Variants in TBCD observed in about 807,000 individuals in gnomAD.
TBCD encodes the protein tubulin-specific chaperone D.
In TBCD, 105 loss-of-function variants were observed where a neutral mutation model predicts 169.3. The observed-to-expected ratio is 0.62, with a 90% CI of 0.53 to 0.73. The LOEUF is 0.73. TBCD is among the 30% of genes least tolerant of loss of function. TBCD has a pLI of 0.00. For missense variants in TBCD, 1,444 were observed against 1,600.1 expected (o/e 0.90, Z 1.66); for synonymous variants, 700 against 643.9 (o/e 1.09, Z -1.32).
chr17:82,850,167 C>G (rs796175223), intron 13 of TBCD, among the ~76,000 whole-genome samples: 7,315 of 17,980 alleles, frequency 0.41, 2,268 homozygotes, highest in Admixed American at 0.45. Context: ...GCTGTTGTTG[C>G]CTGTGCTGCT....
chr17:82,933,273 C>CTTTTTT lies in TBCD; in HGVS notation c.3191+552_3191+557dup, dbSNP rs10639851. Among the ~76,000 whole-genome samples the CTTTTTT allele has an allele frequency of 1.8e-3, 201 of 114,588 alleles. 6 individuals carry two copies. Among genetic ancestry groups the CTTTTTT allele is most frequent in the East Asian group, 3.5e-3 (13 of 3,756 alleles). 75.2% of individuals were successfully genotyped at this position (114,588 alleles called of 152,430 possible). On this transcript the variant is annotated intron_variant, in intron 34 of 38. Transcript: ENST00000355528. ...TTGAATTTCACCGTGTTGGGCCAGT[C>CTTTTTT]TTTTTTTTTTTTTTTTTTTGAGACA...
At chr17:82,779,161 G>A (rs867952485) in intron 6 of TBCD, among the ~76,000 whole-genome samples, 6 of 151,896 alleles carry the variant, frequency 4.0e-5, no homozygotes, top group Admixed American at 6.6e-5. Flanking sequence ...ACAGGAATGC[G>A]CCACCATGCC....
At chr17:82,907,950 T>A in intron 21 of TBCD, 129 bp downstream of exon 21, 2 of 944,980 alleles carry the variant, frequency 2.1e-6, no homozygotes, top group Non-Finnish European at 1.6e-6. Flanking sequence ...CTGGGCTCAG[T>A]GGGGGACCTG....
intron 3 of TBCD, 24 bp downstream of exon 3, chr17:82,764,086 A>G: frequency 4.5e-6 from 7 of 1,560,504 alleles, no homozygotes; most frequent in Non-Finnish European, 6.2e-6. Context: ...AGCACTTCAG[A>G]GTTGACAGAT....
At chr17:82,934,625 A>G (rs1313557665) in intron 34 of TBCD, among the ~76,000 whole-genome samples, 1 of 151,962 alleles carries the variant, frequency 6.6e-6, no homozygotes, top group African/African-American at 2.4e-5. Flanking sequence ...GGCATGTGCT[A>G]CCATGCCCAG....
chr17:82,907,621 A>G, intron 20 of TBCD, 140 bp from the exon 21 acceptor site: 1 of 862,256 alleles, frequency 1.2e-6, no homozygotes, highest in Non-Finnish European at 1.9e-6. Context: ...CTGAACAAGA[A>G]TGAGACCTTG....
Position 82,889,813 on chromosome 17 carries a change from T to G in TBCD, c.1563+116T>G. The G allele has an allele frequency of 8.1e-7, 1 of 1,229,466 alleles. No individual in the cohort carries two copies. The highest frequency in any genetic ancestry group is 1.2e-6 in the Non-Finnish European group (1 of 868,474). The allele number at this position is 1,229,466 out of a possible 1,614,324, so 76.2% of individuals were successfully genotyped here. A position where few individuals can be genotyped will look rare whatever the true frequency, so the allele number is the denominator to read the frequency against. ...CACTGTGAGATGTGGTGTGGCTACA[T>G]CAATGCCAGGGTCATGAGTTCACTA... On this transcript the variant is annotated intron_variant, in intron 16 of 38. Transcript: ENST00000355528. The surrounding 1 kb of genome is among the most constrained non-coding windows in gnomAD (Gnocchi z 5.3).
intron 23 of TBCD, chr17:82,918,312 C>T (rs1343425589): frequency 1.3e-5 from 2 of 152,226 alleles, no homozygotes; most frequent in Non-Finnish European, 2.9e-5. Flanking sequence ...GCATCCTTCC[C>T]ACAGAGACAG....
intron 13 of TBCD, among the ~76,000 whole-genome samples, chr17:82,818,170 G>A (rs765623930): frequency 9.9e-5 from 15 of 152,244 alleles, no homozygotes; most frequent in East Asian, 1.9e-4. Flanking sequence ...AAACTGACAC[G>A]TGATGTGGAA....
rs151106442 is a variant in TBCD, at chr17:82,832,178, T to C, written c.1318+17244T>C. ...TTCGAGTCGAAGGCAGAGAGTCCAT[T>C]TGCGACAGACTTGGAAGAGGCTGGC... On this transcript the variant is annotated intron_variant, in intron 13 of 38. Coordinates refer to ENST00000355528, the MANE Select transcript of TBCD (RefSeq NM_005993.5). The surrounding 1 kb of genome is among the most constrained non-coding windows in gnomAD (Gnocchi z 4.9). 1.5e-3 allele frequency: 2,406 copies of C among 1,614,210 alleles called. 30 individuals carry two copies. In the African/African-American group the frequency reaches 0.028, roughly 19 times the overall value.
chr17:82,910,501 C>T (rs993281498), intron 22 of TBCD, among the ~76,000 whole-genome samples: 1 of 152,132 alleles, frequency 6.6e-6, no homozygotes, highest in African/African-American at 2.4e-5. Context: ...CAGATGCCAG[C>T]TCTTTGTCAC....
intron 13 of TBCD, among the ~76,000 whole-genome samples, chr17:82,817,018 A>C (rs2051971834): frequency 2.0e-5 from 3 of 152,184 alleles, no homozygotes; most frequent in Admixed American, 1.3e-4. Flanking sequence ...TCATTTAAAA[A>C]AATATTTTTT....
intron 14 of TBCD, among the ~76,000 whole-genome samples, chr17:82,873,586 C>T (rs1299767421): frequency 2.0e-5 from 3 of 152,214 alleles, no homozygotes; most frequent in African/African-American, 7.2e-5. Flanking sequence ...AAGTCACGAG[C>T]AAGAAAGTTC....
rs2052564022 is a variant in TBCD at position 82,823,306 on chromosome 17, G to A, written c.1318+8372G>A. Among the ~76,000 whole-genome samples the A allele has an allele frequency of 3.9e-5, 6 of 152,326 alleles. No individual in the cohort carries two copies. The South Asian group carries it at 1.0e-3, about 26-fold the overall frequency. ...CAGGTGATCAAGGGGCCCTGGGAGAGGTTGGGTCTGAGCACGTCCTGACAT... is the reference window on the plus strand; with the variant it reads ...CAGGTGATCAAGGGGCCCTGGGAGAAGTTGGGTCTGAGCACGTCCTGACAT... On this transcript the variant is annotated intron_variant, in intron 13 of 38. Coordinates refer to ENST00000355528, the MANE Select transcript of TBCD (RefSeq NM_005993.5).
chr17:82,941,297 C>G (rs1377381062), intron 37 of TBCD, 102 bp from the exon 38 acceptor site: 3 of 1,020,930 alleles, frequency 2.9e-6, no homozygotes, highest in Non-Finnish European at 2.8e-6. Context: ...GTGAGGTCTC[C>G]TTTCCCTGAC....
chr17:82,865,978 C>T (rs531943798), intron 13 of TBCD, among the ~76,000 whole-genome samples: 7 of 152,272 alleles, frequency 4.6e-5, no homozygotes, highest in South Asian at 2.1e-4. Flanking sequence ...GTGTTCTATA[C>T]GCGACATGCA....
intron 14 of TBCD, among the ~76,000 whole-genome samples, chr17:82,877,691 AG>A (rs1368821930): frequency 3.3e-5 from 5 of 152,238 alleles, no homozygotes; most frequent in Non-Finnish European, 7.3e-5. Flanking sequence ...TGTCTTGATC[AG>A]TTTAATGATT....
intron 13 of TBCD, among the ~76,000 whole-genome samples, chr17:82,850,312 T>TCTGCTGTTGGCTGTG (rs1428123850): frequency 1.1e-5 from 1 of 90,914 alleles, no homozygotes; most frequent in Non-Finnish European, 2.4e-5. Context: ...GCTGTGCTCT[T>TCTGCTGTTGGCTGTG]CTGCTGTTGG....
At chr17:82,783,545 A>G (rs2049094758) in intron 7 of TBCD, among the ~76,000 whole-genome samples, 1 of 152,156 alleles carries the variant, frequency 6.6e-6, no homozygotes, top group South Asian at 2.1e-4. Flanking sequence ...CCGTGGATCC[A>G]TGTGCTGTCC....
Sources: gnomAD v4.1 joint callset for allele counts (sites outside exome capture counted in the v4.1 genomes callset) on GRCh38, gnomAD v4.1.1 for gene constraint, Gnocchi (gnomAD v3.1) non-coding constraint, MANE v1.5 for transcripts, NCBI Gene and HGNC (gene_info 2026-07-23, HGNC 2026-07-21) for gene names.